C8orf34: variants seen among roughly 807,000 people sequenced by gnomAD.
C8orf34 encodes the protein chromosome 8 open reading frame 34.
Under a neutral mutation model 68.3 loss-of-function variants are expected in C8orf34, and 65 were observed. The observed-to-expected ratio is 0.95, with a 90% CI of 0.78 to 1.17. The LOEUF is 1.17. C8orf34 is among the 50% of genes most tolerant of loss of function. C8orf34 has a pLI of 0.00. For missense variants in C8orf34, 664 were observed against 655.4 expected (o/e 1.01, Z -0.14); for synonymous variants, 244 against 241.2 (o/e 1.01, Z -0.11).
chr8:68,442,424 G>A (rs112531971), intron 2 of C8orf34, among the ~76,000 whole-genome samples: 3,151 of 152,198 alleles, frequency 0.021, 107 homozygotes, highest in African/African-American at 0.072. Context: ...AGAGAAAACA[G>A]TTTGAGGGAC....
intron 3 of C8orf34, among the ~76,000 whole-genome samples, chr8:68,463,297 C>T (rs1475559969): frequency 6.6e-6 from 1 of 151,962 alleles, no homozygotes; most frequent in Non-Finnish European, 1.5e-5. Flanking sequence ...TGGCAATAAT[C>T]AATAGCTTAC....
intron 7 of C8orf34, among the ~76,000 whole-genome samples, chr8:68,555,825 C>T (rs1816233582): frequency 6.6e-6 from 1 of 152,098 alleles, no homozygotes; most frequent in Non-Finnish European, 1.5e-5. Context: ...TTAGCATTCT[C>T]TTGTATCAAT....
At chr8:68,680,631 G>A (rs1024966025) in intron 8 of C8orf34, among the ~76,000 whole-genome samples, 3 of 152,146 alleles carry the variant, frequency 2.0e-5, no homozygotes, top group Admixed American at 2.0e-4. Flanking sequence ...ACATACTTCT[G>A]AGGGAACAGG....
intron 6 of C8orf34, among the ~76,000 whole-genome samples, chr8:68,522,176 G>T (rs550447786): frequency 6.6e-6 from 1 of 152,212 alleles, no homozygotes; most frequent in Admixed American, 6.5e-5. Flanking sequence ...GTGTTGATTT[G>T]TTTTCTTCAA....
At chr8:68,665,935 G>A (rs1819825674) in intron 8 of C8orf34, among the ~76,000 whole-genome samples, 1 of 152,202 alleles carries the variant, frequency 6.6e-6, no homozygotes, top group Non-Finnish European at 1.5e-5. Flanking sequence ...ACTGAGGACA[G>A]TGCCCAAAAC....
intron 1 of C8orf34, among the ~76,000 whole-genome samples, chr8:68,354,373 A>G (rs561971189): frequency 6.6e-6 from 1 of 152,168 alleles, no homozygotes; most frequent in African/African-American, 2.4e-5. Flanking sequence ...ACAGGATCTT[A>G]TTCTGTTGCC....
At chr8:68,761,769 T>A (rs1299930985) in intron 10 of C8orf34, among the ~76,000 whole-genome samples, 5 of 152,224 alleles carry the variant, frequency 3.3e-5, no homozygotes, top group Non-Finnish European at 7.3e-5. Flanking sequence ...GCTTTTTTAG[T>A]AGCTTCCACT....
intron 7 of C8orf34, chr8:68,534,113 TA>T (rs1030278891): frequency 2.0e-6 from 2 of 983,560 alleles, no homozygotes; most frequent in Non-Finnish European, 1.2e-6. Context: ...ACTATCATTA[TA>T]AAAAATGATA....
chr8:68,446,276 G>C (rs1039105728), intron 2 of C8orf34, 53 bp from the exon 3 acceptor site: 1 of 1,480,652 alleles, frequency 6.8e-7, no homozygotes, highest in African/African-American at 1.4e-5. Flanking sequence ...CTTGGTTTTT[G>C]CTCAATCTTG....
Position 68,431,117 on chromosome 8 carries a change from C to T in C8orf34, c.328-8382C>T, listed in dbSNP as rs562729047. On this transcript the variant is annotated intron_variant, in intron 1 of 13. Coordinates refer to ENST00000518698, the MANE Select transcript of C8orf34 (RefSeq NM_052958.4). ...ATAAATCCAGGTCAAACACCAAAAT[C>T]TGTACCTTCCTATTAAACCACATTG... Among the ~76,000 whole-genome samples, 40 of 152,226 alleles carry T rather than the reference C, an allele frequency of 2.6e-4. No individual in the cohort carries two copies. In the East Asian group the frequency reaches 7.6e-3, roughly 29 times the overall value.
intron 1 of C8orf34, among the ~76,000 whole-genome samples, chr8:68,355,888 G>A (rs973472242): frequency 1.3e-5 from 2 of 152,052 alleles, no homozygotes; most frequent in Admixed American, 6.6e-5. Context: ...CCCTTAAATA[G>A]CACACACAAC....
chr8:68,642,918 A>G (rs1819054275), intron 8 of C8orf34, among the ~76,000 whole-genome samples: 1 of 152,192 alleles, frequency 6.6e-6, no homozygotes, highest in East Asian at 1.9e-4. Flanking sequence ...CCCTTCATGC[A>G]TGGCTCACAA....
At chr8:68,621,142 C>T (rs1818377567) in intron 7 of C8orf34, among the ~76,000 whole-genome samples, 1 of 152,186 alleles carries the variant, frequency 6.6e-6, no homozygotes, top group Non-Finnish European at 1.5e-5. Flanking sequence ...GTGTACTCCT[C>T]TGGCTGTGGC....
chr8:68,811,794 T>C lies in C8orf34; in HGVS notation c.1550-4092T>C, dbSNP rs918254818. ...ATGTAGTGGTATCTTATTTAATCCC[T>C]GTGACAATGTATTGTATGGGTATTA... On this transcript the variant is annotated intron_variant, in intron 12 of 13. Coordinates refer to ENST00000518698, the MANE Select transcript of C8orf34 (RefSeq NM_052958.4). Among the ~76,000 whole-genome samples the C allele has an allele frequency of 5.9e-5, 9 of 152,378 alleles. No individual in the cohort carries two copies. In the East Asian group the frequency reaches 1.7e-3, roughly 29 times the overall value.
chr8:68,589,041 A>G (rs564373329), intron 7 of C8orf34, among the ~76,000 whole-genome samples: 6 of 152,254 alleles, frequency 3.9e-5, no homozygotes, highest in Non-Finnish European at 8.8e-5. Context: ...GCAAGCCACA[A>G]TTTGCTCACC....
chr8:68,467,666 A>G (rs1812207071), intron 3 of C8orf34, among the ~76,000 whole-genome samples: 1 of 151,968 alleles, frequency 6.6e-6, no homozygotes, highest in Non-Finnish European at 1.5e-5. Flanking sequence ...TCATTTTGGT[A>G]GAGCAACTCC....
At chr8:68,401,610 TC>T (rs1808958363) in intron 1 of C8orf34, among the ~76,000 whole-genome samples, 1 of 151,368 alleles carries the variant, frequency 6.6e-6, no homozygotes, top group African/African-American at 2.4e-5. Flanking sequence ...TATCTTTTCT[TC>T]ATCTCTTGAA....
intron 12 of C8orf34, among the ~76,000 whole-genome samples, chr8:68,814,449 C>G (rs184896999): frequency 6.6e-6 from 1 of 152,276 alleles, no homozygotes; most frequent in East Asian, 1.9e-4. Flanking sequence ...TATTTCAAAC[C>G]CTTCCATGTA....
intron 1 of C8orf34, among the ~76,000 whole-genome samples, chr8:68,385,071 C>G (rs1224866488): frequency 6.6e-6 from 1 of 152,122 alleles, no homozygotes; most frequent in Non-Finnish European, 1.5e-5. Context: ...TGAATGTAAA[C>G]AACTTGAATT....
Sources: gnomAD v4.1 joint callset for allele counts (sites outside exome capture counted in the v4.1 genomes callset) on GRCh38, gnomAD v4.1.1 for gene constraint, MANE v1.5 for transcripts, NCBI Gene and HGNC (gene_info 2026-07-23, HGNC 2026-07-21) for gene names.